GPC5: variants seen among roughly 807,000 people sequenced by gnomAD.
The protein encoded by GPC5 is glypican 5, also known as glypican-5.
A neutral mutation model predicts 53.9 loss-of-function variants in GPC5; 47 were observed. The observed-to-expected ratio is 0.87, with a 90% confidence interval of 0.69 to 1.11. The LOEUF is 1.11. GPC5 is among the 50% of genes most tolerant of loss of function. The probability of loss-of-function intolerance (pLI) is 0.00; values close to 1 mark genes in which losing one functional copy is unlikely to be tolerated. For missense variants in GPC5, 748 were observed against 713.1 expected (o/e 1.05, Z -0.56); for synonymous variants, 286 against 263.3 (o/e 1.09, Z -0.84).
chr13:92,635,506 T>C (rs1028656924), intron 7 of GPC5, among the ~76,000 whole-genome samples: 4 of 152,136 alleles, frequency 2.6e-5, no homozygotes, highest in Non-Finnish European at 5.9e-5. Flanking sequence ...GCAGCTAAAC[T>C]GATTATTTTA....
chr13:92,150,862 A>G (rs1303819328), intron 7 of GPC5, among the ~76,000 whole-genome samples: 1 of 151,104 alleles, frequency 6.6e-6, no homozygotes, highest in African/African-American at 2.4e-5. Flanking sequence ...ACACAATGCT[A>G]AGTGTAACTA....
chr13:92,824,203 C>T (rs1266217736), intron 7 of GPC5, among the ~76,000 whole-genome samples: 1 of 152,020 alleles, frequency 6.6e-6, no homozygotes, highest in Non-Finnish European at 1.5e-5. Flanking sequence ...CTACACACTG[C>T]CCTCATTCCA....
At chr13:92,218,203 C>T (rs2042424813) in intron 7 of GPC5, among the ~76,000 whole-genome samples, 1 of 152,216 alleles carries the variant, frequency 6.6e-6, no homozygotes, top group African/African-American at 2.4e-5. Flanking sequence ...GCTGGGACTA[C>T]AGTTGCTCAC....
intron 1 of GPC5, among the ~76,000 whole-genome samples, chr13:91,407,834 C>T (rs967154194): frequency 1.3e-5 from 2 of 152,118 alleles, no homozygotes; most frequent in Non-Finnish European, 2.9e-5. Context: ...ACATGATATA[C>T]TGTAGCAGGT....
intron 7 of GPC5, among the ~76,000 whole-genome samples, chr13:92,854,733 C>G (rs1313928890): frequency 6.6e-6 from 1 of 151,968 alleles, no homozygotes; most frequent in Non-Finnish European, 1.5e-5. Flanking sequence ...AAGTTTAGCA[C>G]ATTTTGTTTT....
intron 6 of GPC5, among the ~76,000 whole-genome samples, chr13:92,054,155 TGTG>T (rs1276810141): frequency 2.6e-5 from 1 of 39,056 alleles, no homozygotes; most frequent in Non-Finnish European, 6.8e-5. Flanking sequence ...GAGGGGTGTG[TGTG>T]TGTGTGTGTG....
intron 7 of GPC5, among the ~76,000 whole-genome samples, chr13:92,268,344 A>G (rs957275843): frequency 6.7e-6 from 1 of 149,214 alleles, no homozygotes; most frequent in African/African-American, 2.5e-5. Flanking sequence ...TTTGGTATAT[A>G]TCTCTTTCTA....
chr13:91,880,204 C>G (rs766452831), intron 5 of GPC5, among the ~76,000 whole-genome samples: 1 of 151,772 alleles, frequency 6.6e-6, no homozygotes, highest in East Asian at 1.9e-4. Flanking sequence ...TTCATTTAAC[C>G]AGTACATGTT....
intron 2 of GPC5, among the ~76,000 whole-genome samples, chr13:91,454,418 C>A (rs752890072): frequency 3.9e-5 from 6 of 151,994 alleles, no homozygotes; most frequent in African/African-American, 7.2e-5. Context: ...TCACCTATGG[C>A]TATGGTAATC....
At chr13:91,932,672 G>A (rs1421424132) in intron 6 of GPC5, among the ~76,000 whole-genome samples, 1 of 151,830 alleles carries the variant, frequency 6.6e-6, no homozygotes, top group Non-Finnish European at 1.5e-5. Flanking sequence ...CACATTCCGA[G>A]GATTGTTGCC....
intron 7 of GPC5, among the ~76,000 whole-genome samples, chr13:92,146,921 T>C (rs576425751): frequency 2.0e-5 from 3 of 152,070 alleles, no homozygotes; most frequent in Non-Finnish European, 4.4e-5. Flanking sequence ...TTGATGGGCA[T>C]TTGGGCTGAT....
intron 4 of GPC5, among the ~76,000 whole-genome samples, chr13:91,744,083 T>C (rs577149816): frequency 4.9e-4 from 75 of 152,280 alleles, no homozygotes; most frequent in African/African-American, 1.6e-3. Flanking sequence ...CCAAAGGATT[T>C]ATAGTCTTCA....
intron 7 of GPC5, among the ~76,000 whole-genome samples, chr13:92,386,321 C>A (rs930228057): frequency 1.3e-5 from 2 of 151,968 alleles, no homozygotes; most frequent in African/African-American, 2.4e-5. Flanking sequence ...AGAAACAAAG[C>A]AATCCTAATC....
chr13:91,961,788 G>A (rs1018036718), intron 6 of GPC5, among the ~76,000 whole-genome samples: 2 of 151,964 alleles, frequency 1.3e-5, no homozygotes, highest in Non-Finnish European at 2.9e-5. Flanking sequence ...AAAACACAGA[G>A]GCATTATCTA....
chr13:91,549,309 T>A (rs1348925575), intron 2 of GPC5, among the ~76,000 whole-genome samples: 1 of 146,066 alleles, frequency 6.8e-6, no homozygotes, highest in East Asian at 2.0e-4. Flanking sequence ...TAGTACATAA[T>A]ACAGGAGAAG....
chr13:92,671,017 T>G (rs1886731390), intron 7 of GPC5, among the ~76,000 whole-genome samples: 1 of 152,272 alleles, frequency 6.6e-6, no homozygotes, highest in African/African-American at 2.4e-5. Flanking sequence ...GTAAGCATAA[T>G]AGTACAGGGG....
At chr13:92,743,687 GT>G (rs1429248143) in intron 7 of GPC5, among the ~76,000 whole-genome samples, 4 of 152,102 alleles carry the variant, frequency 2.6e-5, no homozygotes. Flanking sequence ...AATGCTTCCA[GT>G]TTTTGTCCAT....
intron 7 of GPC5, among the ~76,000 whole-genome samples, chr13:92,811,186 C>T (rs1381151673): frequency 6.6e-6 from 1 of 151,896 alleles, no homozygotes; most frequent in East Asian, 1.9e-4. Context: ...ATGCAATGAA[C>T]ACTGGCATAC....
chr13:92,031,989 A>G (rs890270211), intron 6 of GPC5, among the ~76,000 whole-genome samples: 2 of 129,886 alleles, frequency 1.5e-5, no homozygotes, highest in African/African-American at 2.9e-5. Context: ...TACATATATT[A>G]TATACAAATA....
Sources: allele counts gnomAD v4.1 joint callset (sites outside exome capture counted in the v4.1 genomes callset), GRCh38; gene constraint gnomAD v4.1.1; transcripts MANE v1.5; gene names NCBI Gene and HGNC (gene_info 2026-07-23, HGNC 2026-07-21).